The following VWC2 variants were observed in gnomAD, a reference collection of about 807,000 sequenced individuals.
VWC2 encodes brorin.
Under a neutral mutation model 29.8 loss-of-function variants are expected in VWC2, and 14 were observed. The ratio of observed to expected loss-of-function variants is 0.47; its 90% confidence interval spans 0.31 to 0.74. VWC2 has a LOEUF of 0.74. Ranked by LOEUF, VWC2 falls within the 30% of genes least tolerant of loss-of-function variation. The pLI, the probability that VWC2 is intolerant of heterozygous loss-of-function variation, is 0.05. For missense variants in VWC2, 457 were observed against 459.8 expected, an observed-to-expected ratio of 0.99 and a Z score of 0.05; for synonymous variants, 213 against 199.0, an observed-to-expected ratio of 1.07 and a Z score of -0.59.
At chr7:49,862,017 G>C (rs189899825) in intron 3 of VWC2, among the ~76,000 whole-genome samples, 1 of 152,136 alleles carries the variant, frequency 6.6e-6, no homozygotes, top group South Asian at 2.1e-4. Context: ...CATAAAAAAT[G>C]GTTGTTGGAA....
chr7:49,882,736 CA>C (rs1791723156), intron 3 of VWC2, among the ~76,000 whole-genome samples: 1 of 152,166 alleles, frequency 6.6e-6, no homozygotes, highest in Non-Finnish European at 1.5e-5. Context: ...TAAGGCCACA[CA>C]AGAAGCACAG....
At chr7:49,821,740 C>A (rs1789265972) in intron 3 of VWC2, among the ~76,000 whole-genome samples, 1 of 150,782 alleles carries the variant, frequency 6.6e-6, no homozygotes, top group Admixed American at 6.6e-5. Context: ...ATTTTAAATT[C>A]ATTTAAAGAA....
intron 3 of VWC2, among the ~76,000 whole-genome samples, chr7:49,848,333 G>C (rs561235256): frequency 6.6e-6 from 1 of 152,168 alleles, no homozygotes; most frequent in Non-Finnish European, 1.5e-5. Flanking sequence ...TCTCTCCTGT[G>C]GGGTAGCTCC....
At chr7:49,886,818 T>C (rs191798837) in intron 3 of VWC2, among the ~76,000 whole-genome samples, 56 of 152,378 alleles carry the variant, frequency 3.7e-4, no homozygotes, top group Admixed American at 3.4e-3. Context: ...GGTGCTCCTC[T>C]GCTTTTAATC....
In VWC2 at chr7:49,905,767, C is replaced by T. The variant is rs559146157; in HGVS notation, c.827-6267C>T. Among the ~76,000 whole-genome samples, 16 of 149,716 alleles carry T rather than the reference C, an allele frequency of 1.1e-4. No individual in the cohort carries two copies. The East Asian group carries it at 1.6e-3, about 15-fold the overall frequency. Reference sequence around the variant, plus strand: ...TCTAAGTCACGAGATAGGATGTTGGCGCAAGAAAGAGGTCGGCTCAAGAAA... The same window carrying T: ...TCTAAGTCACGAGATAGGATGTTGGTGCAAGAAAGAGGTCGGCTCAAGAAA... On this transcript the variant is annotated intron_variant, in intron 3 of 3. Transcript: ENST00000340652.
At position 49,775,813 on chromosome 7, in the gene VWC2, C is replaced by T. The variant is rs1047543888; in HGVS notation, c.378C>T (p.Ala126=). The T allele has an allele frequency of 9.7e-6, 15 of 1,539,692 alleles. No individual in the cohort carries two copies. The African/African-American group carries it at 1.8e-4, about 18-fold the overall frequency. ...CGCAGGCGGAAGCCCTGGCCGCAGC[C>T]GCCCAGGACGCGATTGGCCCGGAAC... ...DTPQAEALAA[A]AQDAIGPELA... Residue 126 remains alanine (A), a synonymous_variant, in exon 2 of 4, where the codon GCC becomes GCT. Transcript: ENST00000340652.
intron 3 of VWC2, among the ~76,000 whole-genome samples, chr7:49,852,007 C>T (rs1205837017): frequency 6.6e-6 from 1 of 152,226 alleles, no homozygotes; most frequent in Non-Finnish European, 1.5e-5. Context: ...CTGTAGATCA[C>T]TGCTGTCAGC....
intron 3 of VWC2, among the ~76,000 whole-genome samples, chr7:49,904,659 AC>A (rs1327135327): frequency 6.6e-6 from 1 of 152,056 alleles, no homozygotes; most frequent in Non-Finnish European, 1.5e-5. Flanking sequence ...AAAAGAACTT[AC>A]CTATTACAAG....
At chr7:49,805,047 C>A (rs910723454) in intron 3 of VWC2, among the ~76,000 whole-genome samples, 1 of 152,100 alleles carries the variant, frequency 6.6e-6, no homozygotes, top group Admixed American at 6.6e-5. Context: ...GTTAAATTTA[C>A]AAAGAAGTAA....
In VWC2 at chr7:49,921,650, G is replaced by T. The variant is rs6955728; in HGVS notation, c.*9465G>T. ...GATATTTATAAAGCACAAGATCTAT[G>T]TAAAGTGTTTATAACATAATACATT... On this transcript the variant is annotated 3_prime_UTR_variant, in exon 4 of 4. Transcript: ENST00000340652. The T allele has an allele frequency of 0.78, 118,309 of 152,108 alleles. 46,178 individuals are homozygous for T. The highest frequency in any genetic ancestry group is 0.89 in the East Asian group (4,593 of 5,188). The allele number at this position is 152,108 out of a possible 1,614,324, so 9.4% of individuals were successfully genotyped here. A position where few individuals can be genotyped will look rare whatever the true frequency, so the allele number is the denominator to read the frequency against.
intron 3 of VWC2, among the ~76,000 whole-genome samples, chr7:49,893,387 C>G (rs1412364117): frequency 6.6e-6 from 1 of 152,170 alleles, no homozygotes; most frequent in African/African-American, 2.4e-5. Context: ...GGATAGTTTT[C>G]AAGCTGGCAG....
rs942974308 is a variant in VWC2, at chr7:49,918,727, C to T, written c.*6542C>T. The T allele has an allele frequency of 2.6e-5, 4 of 152,190 alleles. No homozygotes were observed. The highest frequency in any genetic ancestry group is 9.7e-5 in the African/African-American group (4 of 41,442). 9.4% of individuals were successfully genotyped at this position (152,190 alleles called of 1,614,324 possible). ...TTATCTGATTTATTCATTTTATCAA[C>T]TCTGCTATATTGATGAAGAAGTCAA... On this transcript the variant is annotated 3_prime_UTR_variant, in exon 4 of 4. Coordinates refer to ENST00000340652, the MANE Select transcript of VWC2 (RefSeq NM_198570.5).
chr7:49,911,703 C>A (rs1011514480), intron 3 of VWC2, among the ~76,000 whole-genome samples: 9 of 151,854 alleles, frequency 5.9e-5, no homozygotes, highest in Admixed American at 2.6e-4. Flanking sequence ...TCAAGACCAG[C>A]CTGGCCAACA....
chr7:49,917,955 A>C lies in VWC2; in HGVS notation c.*5770A>C, dbSNP rs949770056. 1.3e-5 allele frequency: 2 copies of C among 152,134 alleles called. No homozygotes were observed. Among genetic ancestry groups the C allele is most frequent in the African/African-American group, 4.8e-5 (2 of 41,432 alleles). 9.4% of individuals were successfully genotyped at this position (152,134 alleles called of 1,614,324 possible). A position where few individuals can be genotyped will look rare whatever the true frequency, so the allele number is the denominator to read the frequency against. On this transcript the variant is annotated 3_prime_UTR_variant, in exon 4 of 4. Transcript: ENST00000340652. ...GGTTTATTCTTTTCCTAAGCATATAATTCTTATAATGGAAAAAAGTGAAAA... is the reference window on the plus strand; with the variant it reads ...GGTTTATTCTTTTCCTAAGCATATACTTCTTATAATGGAAAAAAGTGAAAA...
chr7:49,884,470 G>A (rs1369013185), intron 3 of VWC2, among the ~76,000 whole-genome samples: 1 of 152,144 alleles, frequency 6.6e-6, no homozygotes, highest in African/African-American at 2.4e-5. Context: ...TCGGGGTGGG[G>A]TAAGAAAGTC....
At chr7:49,842,130 A>T (rs1789808779) in intron 3 of VWC2, among the ~76,000 whole-genome samples, 1 of 152,036 alleles carries the variant, frequency 6.6e-6, no homozygotes, top group Admixed American at 6.5e-5. Flanking sequence ...AACCTCCCAA[A>T]ATGCTGGGAT....
Position 49,775,544 on chromosome 7 carries a change from G to A in VWC2, c.109G>A (p.Ala37Thr), listed in dbSNP as rs978417986. 1.3e-6 allele frequency: 2 copies of A among 1,563,338 alleles called. No individual in the cohort carries two copies. The highest frequency in any genetic ancestry group is 2.4e-5 in the East Asian group (1 of 41,038). ...TCCGAGCATCCCGCTGGAGAAGCTG[G>A]CCCAGGCACCAGAGCAGCCGGGCCA... ...CSPSIPLEKL[A>T]QAPEQPGQEK... Residue 37 changes from alanine to threonine, a missense_variant, in exon 2 of 4, where the codon GCC (alanine) becomes ACC (threonine). By Grantham distance (58) the Ala-to-Thr change is moderately conservative. Coordinates refer to ENST00000340652, the MANE Select transcript of VWC2 (RefSeq NM_198570.5).
Position 49,775,717 on chromosome 7 carries a change from G to A in VWC2, c.282G>A (p.Lys94=). The part of the protein sequence containing the change: ...LAGREPWSKL[K]QAWVSQGGGA... ...GCCGTGAGCCGTGGAGCAAGCTGAA[G>A]CAGGCCTGGGTCTCCCAGGGCGGGG... Residue 94 remains lysine (K), a synonymous_variant, in exon 2 of 4, where the codon AAG becomes AAA. Transcript: ENST00000340652. 1.3e-6 allele frequency: 2 copies of A among 1,521,704 alleles called. No individual in the cohort carries two copies. Among genetic ancestry groups the A allele is most frequent in the Non-Finnish European group, 1.8e-6 (2 of 1,137,488 alleles). The allele number at this position is 1,521,704 out of a possible 1,614,324, so 94.3% of individuals were successfully genotyped here.
chr7:49,890,730 CA>C (rs150953956), intron 3 of VWC2, among the ~76,000 whole-genome samples: 3,002 of 145,320 alleles, frequency 0.021, 64 homozygotes, highest in African/African-American at 0.05. Context: ...CAAAGCAAAA[CA>C]AAAAAAAAAA....
Sources: allele counts gnomAD v4.1 joint callset (sites outside exome capture counted in the v4.1 genomes callset), GRCh38; gene constraint gnomAD v4.1.1; transcripts MANE v1.5; gene names NCBI Gene and HGNC (gene_info 2026-07-23, HGNC 2026-07-21).